HIF1AN: variants seen among roughly 807,000 people sequenced by gnomAD.
The protein encoded by HIF1AN is hypoxia inducible factor 1 subunit alpha inhibitor, also known as hypoxia-inducible factor 1-alpha inhibitor.
Under a neutral mutation model 47.7 loss-of-function variants are expected in HIF1AN, and 21 were observed. That is an observed-to-expected ratio of 0.44 (90% confidence interval 0.31 to 0.63). The LOEUF (loss-of-function observed/expected upper bound fraction) is 0.63. Among genes scored for constraint, HIF1AN ranks in the 30% least tolerant of loss-of-function variants. HIF1AN has a pLI of 0.07. For synonymous variants in HIF1AN, 152 were observed against 155.9 expected (o/e 0.98, Z 0.18); for missense variants, 320 against 432.7 (o/e 0.74, Z 2.31).
In HIF1AN at chr10:100,548,079, A is replaced by G; in HGVS notation, c.1006-14A>G. 6.2e-7 allele frequency: 1 copy of G among 1,613,670 alleles called. No individual in the cohort carries two copies. The highest frequency in any genetic ancestry group is 8.5e-7 in the Non-Finnish European group (1 of 1,179,802). On this transcript the variant is annotated splice_polypyrimidine_tract_variant and intron_variant, in intron 7 of 7. Transcript: ENST00000299163. ...AACAGCCAGTTCTGATTGGCTCCTC[A>G]TGTTTCTTTACAGGTGGGGCCCTTG...
rs1453238007 is a variant in HIF1AN, at chr10:100,554,526, C to T, written c.*6389C>T. On this transcript the variant is annotated 3_prime_UTR_variant, in exon 8 of 8. Coordinates refer to ENST00000299163, the MANE Select transcript of HIF1AN (RefSeq NM_017902.3). The stretch of plus-strand genomic sequence containing the variant: ...AAAATTACAAATATGGACCAGACAC[C>T]TGGGAGGATTACCTCACGCCTGTAA... 1 of 151,862 alleles carries T rather than the reference C, an allele frequency of 6.6e-6. No individual in the cohort carries two copies. Among genetic ancestry groups the T allele is most frequent in the Admixed American group, 6.6e-5 (1 of 15,244 alleles). 9.4% of individuals were successfully genotyped at this position (151,862 alleles called of 1,614,324 possible). A position where few individuals can be genotyped will look rare whatever the true frequency, so the allele number is the denominator to read the frequency against.
chr10:100,539,831 C>G (rs1418589378), intron 2 of HIF1AN, among the ~76,000 whole-genome samples: 1 of 152,098 alleles, frequency 6.6e-6, no homozygotes, highest in Non-Finnish European at 1.5e-5. Flanking sequence ...TACAATTTAC[C>G]ACAGTGGTCA....
chr10:100,559,750 T>C lies in HIF1AN; in HGVS notation c.*11613T>C, dbSNP rs1164674070. 6.6e-6 allele frequency: 1 copy of C among 152,154 alleles called. No individual in the cohort carries two copies. The highest frequency in any genetic ancestry group is 2.4e-5 in the African/African-American group (1 of 41,430). 9.4% of individuals were successfully genotyped at this position (152,154 alleles called of 1,614,324 possible). ...TTTTTTAACCAAAGTAATTTATGAA[T>C]ATAAATTGTTTCTATATAACCCAAA... On this transcript the variant is annotated 3_prime_UTR_variant, in exon 8 of 8. Transcript: ENST00000299163.
At position 100,556,657 on chromosome 10, in the gene HIF1AN, G is replaced by T. The variant is rs1564667158; in HGVS notation, c.*8520G>T. 1 of 152,222 alleles carries T rather than the reference G, an allele frequency of 6.6e-6. No individual in the cohort carries two copies. Among genetic ancestry groups the T allele is most frequent in the African/African-American group, 2.4e-5 (1 of 41,444 alleles). 9.4% of individuals were successfully genotyped at this position (152,222 alleles called of 1,614,324 possible). ...CTGCATGGTCATTGTTCTCACAAGG[G>T]TTTGTGTGATGCACTGACAAGAACA... On this transcript the variant is annotated 3_prime_UTR_variant, in exon 8 of 8. Transcript: ENST00000299163.
Position 100,550,333 on chromosome 10 carries a change from A to G in HIF1AN, c.*2196A>G, listed in dbSNP as rs1013936981. ...GTGATTCCTGATTTTTAGACACCTA[A>G]TATGTGCCTAGTGCTTTTCTCTTTG... On this transcript the variant is annotated 3_prime_UTR_variant, in exon 8 of 8. Coordinates refer to ENST00000299163, the MANE Select transcript of HIF1AN (RefSeq NM_017902.3). 2.6e-5 allele frequency: 4 copies of G among 152,200 alleles called. No individual in the cohort carries two copies. Among genetic ancestry groups the G allele is most frequent in the African/African-American group, 7.2e-5 (3 of 41,442 alleles). 9.4% of individuals were successfully genotyped at this position (152,200 alleles called of 1,614,324 possible). A position where few individuals can be genotyped will look rare whatever the true frequency, so the allele number is the denominator to read the frequency against.
At chr10:100,537,645 C>G (rs1254539957) in intron 2 of HIF1AN, among the ~76,000 whole-genome samples, 4 of 152,226 alleles carry the variant, frequency 2.6e-5, no homozygotes, top group African/African-American at 4.8e-5. Context: ...AGACAGTATT[C>G]AGTCCCACAC....
In HIF1AN at chr10:100,536,025, C is replaced by T. The variant is rs2133719348; in HGVS notation, c.67C>T (p.Leu23Phe). 1.3e-6 allele frequency: 2 copies of T among 1,595,132 alleles called. No homozygotes were observed. The highest frequency in any genetic ancestry group is 2.3e-5 in the East Asian group (1 of 43,730). The change falls in exon 1 of 8, where the codon CTC becomes TTC. Residue 23 changes from leucine to phenylalanine, a missense_variant. Leu to Phe is a conservative substitution (Grantham distance 22, BLOSUM62 0). This residue lies in a region of HIF1AN where 159 missense variants were observed against 159.9 expected (regional missense o/e 0.99). Transcript: ENST00000299163. ...SGEPREEAGA[L>F]GPAWDESQLR... ...AGAGCCCCGGGAGGAGGCTGGAGCC[C>T]TCGGCCCCGCCTGGGATGAATCCCA...
intron 4 of HIF1AN, among the ~76,000 whole-genome samples, chr10:100,545,658 A>G (rs139621740): frequency 2.4e-3 from 367 of 152,274 alleles, no homozygotes; most frequent in Non-Finnish European, 4.5e-3. Context: ...GATAATTCCT[A>G]ATTCCTCATA....
intron 2 of HIF1AN, among the ~76,000 whole-genome samples, chr10:100,537,575 A>G (rs769185874): frequency 6.6e-6 from 1 of 152,286 alleles, no homozygotes; most frequent in Non-Finnish European, 1.5e-5. Flanking sequence ...CACACAAGAC[A>G]GTGATTCTTC....
chr10:100,549,065 CGT>C lies in HIF1AN; in HGVS notation c.*943_*944del, dbSNP rs769196012. 1.1e-3 allele frequency: 119 copies of C among 108,326 alleles called. No individual in the cohort carries two copies. Among genetic ancestry groups the C allele is most frequent in the Admixed American group, 3.0e-3 (34 of 11,256 alleles). 6.7% of individuals were successfully genotyped at this position (108,326 alleles called of 1,614,324 possible). On this transcript the variant is annotated 3_prime_UTR_variant, in exon 8 of 8. Transcript: ENST00000299163. ...CTGGGTGTGTGTGTGTGTGTGCGTGCGTGTGTGTGTGTGTGTCCGTGTGTGTG... is the reference window on the plus strand; with the variant it reads ...CTGGGTGTGTGTGTGTGTGTGCGTGCGTGTGTGTGTGTGTCCGTGTGTGTG...
rs1040901332 is a variant in HIF1AN, at chr10:100,552,637, C to A, written c.*4500C>A. On this transcript the variant is annotated 3_prime_UTR_variant, in exon 8 of 8. Transcript: ENST00000299163. ...TATTCAGCTGTCTCCTGCCTAGTCTCTCCAGCGGCCTCCTTACCAAGACCC... is the reference window on the plus strand; with the variant it reads ...TATTCAGCTGTCTCCTGCCTAGTCTATCCAGCGGCCTCCTTACCAAGACCC... 1.3e-5 allele frequency: 2 copies of A among 152,472 alleles called. No homozygotes were observed. Among genetic ancestry groups the A allele is most frequent in the Non-Finnish European group, 2.9e-5 (2 of 68,208 alleles). The allele number at this position is 152,472 out of a possible 1,614,324, so 9.4% of individuals were successfully genotyped here.
chr10:100,540,655 C>T lies in HIF1AN; in HGVS notation c.450C>T (p.Leu150=), dbSNP rs1240114428. ...GEERLYLQQT[L]NDTVGRKIVM... is the part of the protein sequence containing the mutation. ...ATAGGTTGTATCTGCAGCAAACGCT[C>T]AATGACACTGTGGGCAGGAAGATTG... The change falls in exon 3 of 8, where the codon CTC becomes CTT. Residue 150 remains leucine (L), a synonymous_variant. Coordinates refer to ENST00000299163, the MANE Select transcript of HIF1AN (RefSeq NM_017902.3). 6.2e-7 allele frequency: 1 copy of T among 1,613,774 alleles called. No individual in the cohort carries two copies.
chr10:100,536,325 G>A, intron 1 of HIF1AN, 86 bp from the exon 2 acceptor site: 1 of 1,491,018 alleles, frequency 6.7e-7, no homozygotes, highest in African/African-American at 1.4e-5. Context: ...TTCTGAAGTT[G>A]AGAAGTAGTT....
At chr10:100,543,832 A>C (rs1383454868) in intron 3 of HIF1AN, among the ~76,000 whole-genome samples, 2 of 152,258 alleles carry the variant, frequency 1.3e-5, no homozygotes, top group Non-Finnish European at 2.9e-5. Context: ...TGGCCTCCCA[A>C]AGTGCTGGCA....
intron 4 of HIF1AN, 98 bp from the exon 5 acceptor site, chr10:100,545,844 TG>T (rs1589753229): frequency 2.4e-4 from 179 of 733,866 alleles, no homozygotes; most frequent in East Asian, 1.6e-3. Context: ...GTTTTTTTTT[TG>T]TTTGTTTGTT....
intron 3 of HIF1AN, 58 bp downstream of exon 3, chr10:100,540,840 C>A (rs2133723425): frequency 7.0e-7 from 1 of 1,436,532 alleles, no homozygotes. Context: ...ATTTCTAATC[C>A]TGTCTTCACC....
Position 100,549,043 on chromosome 10 carries a change from GGT to G in HIF1AN, c.*922_*923del, listed in dbSNP as rs960226680. The G allele has an allele frequency of 0.01, 1,136 of 111,646 alleles. 13 individuals are homozygous for G. The highest frequency in any genetic ancestry group is 0.016 in the Non-Finnish European group (804 of 51,106). 6.9% of individuals were successfully genotyped at this position (111,646 alleles called of 1,614,324 possible). A position where few individuals can be genotyped will look rare whatever the true frequency, so the allele number is the denominator to read the frequency against. On this transcript the variant is annotated 3_prime_UTR_variant, in exon 8 of 8. Transcript: ENST00000299163. ...TCCACACTAGGGGTGCAAGCCTCTG[GGT>G]GTGTGTGTGTGTGTGCGTGCGTGTG...
intron 2 of HIF1AN, among the ~76,000 whole-genome samples, chr10:100,537,541 TC>T (rs1852239734): frequency 6.6e-6 from 1 of 152,228 alleles, no homozygotes; most frequent in Admixed American, 6.5e-5. Context: ...AATTTGTTTT[TC>T]CTATCACAAC....
chr10:100,558,395 GT>G lies in HIF1AN; in HGVS notation c.*10261del, dbSNP rs1843231518. The stretch of plus-strand genomic sequence containing the variant: ...GTCAGGAGGAAGCTTGAGGCCAGGA[GT>G]TTGAGATCAGCCTAGGCAGCATAGT... On this transcript the variant is annotated 3_prime_UTR_variant, in exon 8 of 8. Transcript: ENST00000299163. The G allele has an allele frequency of 6.6e-6, 1 of 152,212 alleles. No individual in the cohort carries two copies. Among genetic ancestry groups the G allele is most frequent in the Non-Finnish European group, 1.5e-5 (1 of 68,058 alleles). The allele number at this position is 152,212 out of a possible 1,614,324, so 9.4% of individuals were successfully genotyped here. A position where few individuals can be genotyped will look rare whatever the true frequency, so the allele number is the denominator to read the frequency against.
Sources: allele counts gnomAD v4.1 joint callset (sites outside exome capture counted in the v4.1 genomes callset), GRCh38; gene constraint gnomAD v4.1.1; regional missense constraint gnomAD v4.1.1; transcripts MANE v1.5; gene names NCBI Gene and HGNC (gene_info 2026-07-23, HGNC 2026-07-21).